The following C8orf34 variants were observed in gnomAD, a reference collection of about 807,000 sequenced individuals.
C8orf34 encodes the protein chromosome 8 open reading frame 34.
A neutral mutation model predicts 68.3 loss-of-function variants in C8orf34; 65 were observed. The observed-to-expected ratio is 0.95, with a 90% CI of 0.78 to 1.17. The LOEUF (loss-of-function observed/expected upper bound fraction) is 1.17. Among genes scored for constraint, C8orf34 ranks in the 50% most tolerant of loss-of-function variants. The probability of loss-of-function intolerance (pLI) is 0.00; values close to 1 mark genes in which losing one functional copy is unlikely to be tolerated. For missense variants in C8orf34, 664 were observed against 655.4 expected (o/e 1.01, Z -0.14); for synonymous variants, 244 against 241.2 (o/e 1.01, Z -0.11).
chr8:68,342,189 A>G (rs1806099140), intron 1 of C8orf34, among the ~76,000 whole-genome samples: 1 of 152,204 alleles, frequency 6.6e-6, no homozygotes, highest in Admixed American at 6.5e-5. Context: ...CATCATAAAC[A>G]TAATATTTGT....
chr8:68,802,426 A>G (rs1824359046), intron 12 of C8orf34, among the ~76,000 whole-genome samples: 1 of 152,182 alleles, frequency 6.6e-6, no homozygotes, highest in Non-Finnish European at 1.5e-5. Flanking sequence ...TAAAATAAGT[A>G]CATAGCATTT....
intron 7 of C8orf34, among the ~76,000 whole-genome samples, chr8:68,564,047 A>G (rs1816512352): frequency 6.6e-6 from 1 of 152,232 alleles, no homozygotes; most frequent in African/African-American, 2.4e-5. Context: ...GCTATGTTAT[A>G]TAACTATAGA....
intron 1 of C8orf34, among the ~76,000 whole-genome samples, chr8:68,418,852 A>T (rs899587761): frequency 3.2e-4 from 49 of 151,900 alleles, no homozygotes; most frequent in African/African-American, 1.1e-3. Context: ...AAAGACTTAA[A>T]CGTTAGACCT....
chr8:68,629,754 GGT>G (rs199657302), intron 7 of C8orf34, among the ~76,000 whole-genome samples: 1 of 151,794 alleles, frequency 6.6e-6, no homozygotes, highest in South Asian at 2.1e-4. Flanking sequence ...AAATGTAATA[GGT>G]GTGTGTGTGT....
At position 68,708,977 on chromosome 8, in the gene C8orf34, C is replaced by T. The variant is rs369566175; in HGVS notation, c.1242-17C>T. ...TAACATTATGAGATGTTTCAATGATCATTTTTAATTATTTAGGCTTCAAGG... is the reference window on the plus strand; with the variant it reads ...TAACATTATGAGATGTTTCAATGATTATTTTTAATTATTTAGGCTTCAAGG... On this transcript the variant is annotated splice_polypyrimidine_tract_variant and intron_variant, in intron 8 of 13. Transcript: ENST00000518698. 25 of 1,558,980 alleles carry T rather than the reference C, an allele frequency of 1.6e-5. No homozygotes were observed. In the African/African-American group the frequency reaches 3.0e-4, roughly 19 times the overall value.
At chr8:68,607,877 G>T (rs956285949) in intron 7 of C8orf34, among the ~76,000 whole-genome samples, 1 of 152,048 alleles carries the variant, frequency 6.6e-6, no homozygotes, top group Non-Finnish European at 1.5e-5. Flanking sequence ...GCTAAGATAC[G>T]TTCAAAAGGA....
intron 7 of C8orf34, among the ~76,000 whole-genome samples, chr8:68,557,511 CATT>C (rs945129202): frequency 1.3e-5 from 2 of 152,012 alleles, no homozygotes; most frequent in African/African-American, 4.8e-5. Flanking sequence ...CAAACAAAAC[CATT>C]ATTATATTTC....
In C8orf34 at chr8:68,438,056, A is replaced by G. The variant is rs540642422; in HGVS notation, c.328-1443A>G. ...GGTTTAATTGTTGTTTATTGGTACA[A>G]TAAGGGATTCTAGTTACTAATATCT... On this transcript the variant is annotated intron_variant, in intron 1 of 13. Transcript: ENST00000518698. The G allele has an allele frequency of 5.3e-5, 8 of 152,268 alleles. No homozygotes were observed. In the East Asian group the frequency reaches 1.5e-3, roughly 29 times the overall value. 9.4% of individuals were successfully genotyped at this position (152,268 alleles called of 1,614,324 possible). A position where few individuals can be genotyped will look rare whatever the true frequency, so the allele number is the denominator to read the frequency against.
chr8:68,495,745 G>A (rs1182820768), intron 5 of C8orf34, among the ~76,000 whole-genome samples: 1 of 152,036 alleles, frequency 6.6e-6, no homozygotes, highest in Non-Finnish European at 1.5e-5. Flanking sequence ...AACCCAGGCA[G>A]TTTAACAGAC....
At chr8:68,373,277 G>A (rs1231876590) in intron 1 of C8orf34, among the ~76,000 whole-genome samples, 1 of 152,184 alleles carries the variant, frequency 6.6e-6, no homozygotes, top group Non-Finnish European at 1.5e-5. Context: ...TTACAGGCAT[G>A]AGCCATTGCT....
chr8:68,354,836 A>T (rs1405330801), intron 1 of C8orf34, among the ~76,000 whole-genome samples: 1 of 152,066 alleles, frequency 6.6e-6, no homozygotes, highest in Admixed American at 6.6e-5. Context: ...TTCGTGCTTC[A>T]TTGTGCATCT....
intron 12 of C8orf34, chr8:68,792,682 G>T (rs1824045174): frequency 6.9e-6 from 1 of 144,760 alleles, no homozygotes; most frequent in East Asian, 2.1e-4. Context: ...ATATTTAAAA[G>T]ATTATCAAGA....
intron 5 of C8orf34, among the ~76,000 whole-genome samples, chr8:68,502,447 A>G (rs1813820219): frequency 6.6e-6 from 1 of 152,208 alleles, no homozygotes; most frequent in East Asian, 1.9e-4. Flanking sequence ...TTCCACTGGG[A>G]AGAGTTGAGG....
At chr8:68,807,829 A>G (rs28380198) in intron 12 of C8orf34, among the ~76,000 whole-genome samples, 1,779 of 152,362 alleles carry the variant, frequency 0.012, 19 homozygotes, top group African/African-American at 0.034. Context: ...TTAAATAAAA[A>G]AGAAAAAAGA....
chr8:68,410,078 C>T (rs1809379960), intron 1 of C8orf34, among the ~76,000 whole-genome samples: 1 of 152,284 alleles, frequency 6.6e-6, no homozygotes, highest in African/African-American at 2.4e-5. Flanking sequence ...ACACATTTCT[C>T]AGAATGTATC....
At chr8:68,715,251 C>A (rs1165256741) in intron 9 of C8orf34, among the ~76,000 whole-genome samples, 1 of 151,984 alleles carries the variant, frequency 6.6e-6, no homozygotes, top group Non-Finnish European at 1.5e-5. Flanking sequence ...GCAAGTGCAA[C>A]AAAAACAAAG....
chr8:68,480,833 TA>T (rs1812826863), intron 4 of C8orf34, among the ~76,000 whole-genome samples: 1 of 152,076 alleles, frequency 6.6e-6, no homozygotes, highest in African/African-American at 2.4e-5. Context: ...TGGGTACTGT[TA>T]AAGGCATTCT....
At chr8:68,612,151 A>G (rs1285700927) in intron 7 of C8orf34, among the ~76,000 whole-genome samples, 1 of 151,986 alleles carries the variant, frequency 6.6e-6, no homozygotes, top group Non-Finnish European at 1.5e-5. Context: ...ATTATCTGCA[A>G]CTGCCTCCAC....
intron 10 of C8orf34, among the ~76,000 whole-genome samples, chr8:68,751,671 GA>G (rs1822713274): frequency 6.6e-6 from 1 of 151,954 alleles, no homozygotes. Context: ...ATAGTTGTTA[GA>G]AAAACATGAA....
Sources: gnomAD v4.1 joint callset for allele counts (sites outside exome capture counted in the v4.1 genomes callset) on GRCh38, gnomAD v4.1.1 for gene constraint, MANE v1.5 for transcripts, NCBI Gene and HGNC (gene_info 2026-07-23, HGNC 2026-07-21) for gene names.